The following TUBGCP5 variants were observed in gnomAD, a reference collection of about 807,000 sequenced individuals.
TUBGCP5 encodes tubulin gamma complex component 5.
A neutral mutation model predicts 134.7 loss-of-function variants in TUBGCP5; 98 were observed. That is an observed-to-expected ratio of 0.73 (90% CI 0.62 to 0.86). TUBGCP5 has a LOEUF of 0.86. TUBGCP5 is among the 40% of genes least tolerant of loss of function. TUBGCP5 has a pLI of 0.00. For synonymous variants in TUBGCP5, 456 were observed against 431.4 expected, an observed-to-expected ratio of 1.06 and a Z score of -0.71; for missense variants, 1,150 against 1,244.8, an observed-to-expected ratio of 0.92 and a Z score of 1.15.
chr15:23,014,772 C>T (rs2065222617), intron 13 of TUBGCP5, among the ~76,000 whole-genome samples: 1 of 152,164 alleles, frequency 6.6e-6, no homozygotes, highest in African/African-American at 2.4e-5. Flanking sequence ...TACTCCCAGG[C>T]GAGCAAAGAA....
intron 14 of TUBGCP5, among the ~76,000 whole-genome samples, chr15:23,010,462 T>C (rs572800150): frequency 6.6e-6 from 1 of 152,268 alleles, no homozygotes; most frequent in South Asian, 2.1e-4. Flanking sequence ...CCAGGACATA[T>C]TATATGCCAG....
intron 6 of TUBGCP5, among the ~76,000 whole-genome samples, chr15:23,029,423 G>A (rs2066172149): frequency 6.6e-6 from 1 of 152,042 alleles, no homozygotes; most frequent in Non-Finnish European, 1.5e-5. Context: ...GTTTCACCAT[G>A]TTGGTCAGGC....
chr15:23,008,538 G>T, intron 16 of TUBGCP5, 161 bp downstream of exon 16: 1 of 905,270 alleles, frequency 1.1e-6, no homozygotes, highest in Non-Finnish European at 1.7e-6. Flanking sequence ...CATTACAGGT[G>T]TGAGCCACCG....
intron 6 of TUBGCP5, among the ~76,000 whole-genome samples, chr15:23,028,679 C>T (rs1431769092): frequency 6.6e-6 from 1 of 152,042 alleles, no homozygotes; most frequent in Non-Finnish European, 1.5e-5. Flanking sequence ...TACCAAACAA[C>T]CATCACACTT....
rs1211353447 is a variant in TUBGCP5 at position 23,013,445 on chromosome 15, C to CA, written c.1757-2115dup. 1.4e-3 allele frequency among the ~76,000 whole-genome samples: 199 copies of CA among 146,482 alleles called. 1 individual carries two copies. Among genetic ancestry groups the CA allele is most frequent in the Middle Eastern group, 3.5e-3 (1 of 284 alleles). ...TGGGCGACAGGGAAAGACTCCGTCTCAAAAAAAAAAGATCCGACTGGAGTT... is the reference window on the plus strand; with the variant it reads ...TGGGCGACAGGGAAAGACTCCGTCTCAAAAAAAAAAAGATCCGACTGGAGTT... On this transcript the variant is annotated intron_variant, in intron 13 of 22. Transcript: ENST00000615383. This position sits in a 1 kb window ranked among gnomAD's most constrained non-coding sequence, Gnocchi z 4.5.
At chr15:23,010,284 G>A in intron 14 of TUBGCP5, 151 bp from the exon 15 acceptor site, 1 of 917,336 alleles carries the variant, frequency 1.1e-6, no homozygotes, top group African/African-American at 1.7e-5. Context: ...AATATCCTTT[G>A]AGTGAACCAG....
At position 23,004,132 on chromosome 15, in the gene TUBGCP5, G is replaced by A. The variant is rs1453769161; in HGVS notation, c.2808C>T (p.Thr936=). 1.9e-6 allele frequency: 3 copies of A among 1,612,388 alleles called. No homozygotes were observed. In the South Asian group the frequency reaches 3.3e-5, roughly 18 times the overall value. The change falls in exon 20 of 23, where the codon ACC becomes ACT. Residue 936 remains threonine, a synonymous_variant. Coordinates refer to ENST00000615383, the MANE Select transcript of TUBGCP5 (RefSeq NM_052903.6). ...LIKIHYRYLS[T]IHDRCLLREK... The stretch of plus-strand genomic sequence containing the variant: ...CTCTCAGCAGACACCGGTCATGGAT[G>A]GTTGACAGATACCTATAGTGAATTT...
intron 13 of TUBGCP5, among the ~76,000 whole-genome samples, chr15:23,012,219 T>C (rs1206323036): frequency 6.6e-6 from 1 of 151,880 alleles, no homozygotes; most frequent in Non-Finnish European, 1.5e-5. Flanking sequence ...GCAGTCTCAT[T>C]GGAAAAAACA....
intron 20 of TUBGCP5, among the ~76,000 whole-genome samples, chr15:23,003,575 CAT>C (rs1323912473): frequency 3.3e-5 from 5 of 149,828 alleles, no homozygotes; most frequent in Non-Finnish European, 7.4e-5. Context: ...GACTATCACA[CAT>C]AGTTCTCATG....
At chr15:22,993,378 G>A (rs2063915949) in intron 23 of TUBGCP5, among the ~76,000 whole-genome samples, 1 of 150,776 alleles carries the variant, frequency 6.6e-6, no homozygotes, top group African/African-American at 2.4e-5. Context: ...GATTACAGGT[G>A]TGAGCCACCG....
chr15:23,025,851 AG>A (rs2140590837), intron 8 of TUBGCP5, among the ~76,000 whole-genome samples: 1 of 151,796 alleles, frequency 6.6e-6, no homozygotes, highest in Non-Finnish European at 1.5e-5. Flanking sequence ...AAAAAAAATC[AG>A]TAGCAAATCT....
chr15:23,016,969 G>GATATATATAT (rs57631069), intron 13 of TUBGCP5, among the ~76,000 whole-genome samples: 1,749 of 109,414 alleles, frequency 0.016, 113 homozygotes, highest in African/African-American at 0.053. Context: ...AAAATTGTGA[G>GATATATATAT]ATATATATAT....
chr15:23,035,327 C>A (rs1402748277), intron 3 of TUBGCP5, among the ~76,000 whole-genome samples: 3 of 52,310 alleles, frequency 5.7e-5, no homozygotes, highest in East Asian at 6.8e-4. Context: ...GACACTCAGT[C>A]TTAAAAAAAA....
chr15:22,983,627 T>C (rs2063595554), intron 23 of TUBGCP5: 1 of 151,428 alleles, frequency 6.6e-6, no homozygotes, highest in African/African-American at 2.4e-5. Context: ...AATAAATAAA[T>C]AAATAAATTA....
intron 6 of TUBGCP5, among the ~76,000 whole-genome samples, chr15:23,028,712 C>A (rs113850069): frequency 2.0e-5 from 3 of 152,088 alleles, no homozygotes; most frequent in Non-Finnish European, 4.4e-5. Context: ...TCAGGTATAA[C>A]CCCCCTTAGG....
rs1567167080 is a variant in TUBGCP5 at position 23,032,798 on chromosome 15, T to C, written c.336A>G (p.Ser112=). Residue 112 remains serine, a synonymous_variant, in exon 4 of 23, where the codon TCA becomes TCG. Coordinates refer to ENST00000615383, the MANE Select transcript of TUBGCP5 (RefSeq NM_052903.6). ...GAGAGTCTGACAGACACAGAAGAAGTGACAGTATGGAATAATGTGCATCTG... is the reference window on the plus strand; with the variant it reads ...GAGAGTCTGACAGACACAGAAGAAGCGACAGTATGGAATAATGTGCATCTG... ...IKTDAHYSIL[S]LLLCLSDSPS... 6.3e-7 allele frequency: 1 copy of C among 1,591,524 alleles called. No homozygotes were observed. The highest frequency in any genetic ancestry group is 1.8e-5 in the Admixed American group (1 of 54,380).
At chr15:23,001,640 G>GCTTT (rs561457776) in intron 21 of TUBGCP5, among the ~76,000 whole-genome samples, 3 of 151,144 alleles carry the variant, frequency 2.0e-5, no homozygotes, top group Non-Finnish European at 2.9e-5. Context: ...ACTGTGCTCG[G>GCTTT]CTTTCTTTCT....
intron 14 of TUBGCP5, 107 bp downstream of exon 14, chr15:23,011,026 C>G: frequency 1.9e-6 from 2 of 1,061,494 alleles, no homozygotes; most frequent in Non-Finnish European, 2.8e-6. Flanking sequence ...AAAGGATAGC[C>G]TACAAGAGTT....
chr15:23,022,556 A>G (rs77791421), intron 10 of TUBGCP5, among the ~76,000 whole-genome samples: 6,996 of 152,348 alleles, frequency 0.046, 424 homozygotes, highest in African/African-American at 0.14. Context: ...AGGGCTGCAC[A>G]AGCAAGCTCC....
Sources: gnomAD v4.1 joint callset for allele counts (sites outside exome capture counted in the v4.1 genomes callset) on GRCh38, gnomAD v4.1.1 for gene constraint, Gnocchi (gnomAD v3.1) non-coding constraint, MANE v1.5 for transcripts, NCBI Gene and HGNC (gene_info 2026-07-23, HGNC 2026-07-21) for gene names.